Variants in ALG5 observed in about 807,000 individuals in gnomAD.
ALG5 encodes the protein dolichyl-phosphate beta-glucosyltransferase.
Under a neutral mutation model 51.8 loss-of-function variants are expected in ALG5, and 26 were observed. That is an observed-to-expected ratio of 0.50 (90% CI 0.37 to 0.70). The LOEUF is 0.70. Ranked by LOEUF, ALG5 falls within the 30% of genes least tolerant of loss-of-function variation. ALG5 has a pLI of 0.00. For synonymous variants in ALG5, 141 were observed against 136.1 expected (o/e 1.04, Z -0.25); for missense variants, 311 against 399.3 (o/e 0.78, Z 1.88).
intron 4 of ALG5, among the ~76,000 whole-genome samples, chr13:36,992,927 C>T (rs1384718558): frequency 1.3e-5 from 2 of 152,136 alleles, no homozygotes; most frequent in Admixed American, 6.5e-5. Flanking sequence ...CTTGCTTGTC[C>T]TCCCTGGGAG....
intron 4 of ALG5, among the ~76,000 whole-genome samples, chr13:36,992,446 A>C (rs2059029753): frequency 6.6e-6 from 1 of 152,242 alleles, no homozygotes; most frequent in African/African-American, 2.4e-5. Flanking sequence ...ATAAGACTTT[A>C]CTATGTTAGG....
chr13:36,971,401 C>G (rs1479915704), intron 7 of ALG5, among the ~76,000 whole-genome samples: 2 of 152,062 alleles, frequency 1.3e-5, no homozygotes, highest in Non-Finnish European at 2.9e-5. Flanking sequence ...AATCCTAGTA[C>G]TTTGGGAGGC....
chr13:36,956,627 C>T (rs2058840913), intron 8 of ALG5, among the ~76,000 whole-genome samples: 1 of 152,152 alleles, frequency 6.6e-6, no homozygotes, highest in African/African-American at 2.4e-5. Context: ...TATATGTACA[C>T]AATGAAATAT....
chr13:36,965,187 G>C (rs2058887279), intron 8 of ALG5, among the ~76,000 whole-genome samples: 1 of 152,102 alleles, frequency 6.6e-6, no homozygotes, highest in African/African-American at 2.4e-5. Flanking sequence ...GGTGGAAGGA[G>C]ATGTAGAGGT....
chr13:36,967,775 T>G, intron 7 of ALG5: 1 of 1,213,474 alleles, frequency 8.2e-7, no homozygotes, highest in Non-Finnish European at 1.1e-6. Flanking sequence ...TAAATACTGG[T>G]TGACTGATTA....
intron 6 of ALG5, among the ~76,000 whole-genome samples, chr13:36,977,815 C>CAAAAAA (rs1196106688): frequency 1.0e-5 from 1 of 96,726 alleles, no homozygotes; most frequent in African/African-American, 4.4e-5. Flanking sequence ...AAAAAAAAAA[C>CAAAAAA]AAAAACGGTG....
intron 6 of ALG5, among the ~76,000 whole-genome samples, chr13:36,974,674 A>G (rs911550047): frequency 2.6e-5 from 4 of 152,126 alleles, no homozygotes; most frequent in Non-Finnish European, 5.9e-5. Flanking sequence ...CCTAGCTTCA[A>G]TAATTAGCAA....
chr13:36,966,307 G>T (rs1412033470), intron 7 of ALG5, among the ~76,000 whole-genome samples: 5 of 152,108 alleles, frequency 3.3e-5, no homozygotes, highest in African/African-American at 4.8e-5. Flanking sequence ...TAATACTTTG[G>T]ATATTAAGAT....
intron 6 of ALG5, among the ~76,000 whole-genome samples, chr13:36,978,874 C>T (rs2058966080): frequency 1.3e-5 from 2 of 149,400 alleles, no homozygotes; most frequent in Admixed American, 6.7e-5. Flanking sequence ...TGAGATTGTG[C>T]CACTGCACTC....
intron 8 of ALG5, among the ~76,000 whole-genome samples, chr13:36,957,389 T>A (rs1027584963): frequency 6.6e-6 from 1 of 151,852 alleles, no homozygotes; most frequent in Non-Finnish European, 1.5e-5. Context: ...CAAGAGGCAA[T>A]AAAGGCACTA....
chr13:36,970,653 C>T (rs2058918436), intron 7 of ALG5, among the ~76,000 whole-genome samples: 1 of 151,906 alleles, frequency 6.6e-6, no homozygotes, highest in African/African-American at 2.4e-5. Flanking sequence ...TGGCTCATGC[C>T]TGTAATCCCA....
intron 9 of ALG5, 79 bp downstream of exon 9, chr13:36,952,435 G>T: frequency 1.0e-6 from 1 of 994,086 alleles, no homozygotes; most frequent in Non-Finnish European, 1.5e-6. Flanking sequence ...GGAGCAAGGA[G>T]AACATTAAAG....
intron 6 of ALG5, among the ~76,000 whole-genome samples, chr13:36,975,911 C>T (rs188460855): frequency 5.9e-5 from 9 of 151,566 alleles, no homozygotes; most frequent in Admixed American, 5.9e-4. Context: ...GTCCCAGCTA[C>T]TCGGGAGGCC....
rs35130767 is a variant in ALG5, at chr13:36,955,686, GAAAAAA to G, written c.774-3093_774-3088del. Among the ~76,000 whole-genome samples, 108 of 36,500 alleles carry G rather than the reference GAAAAAA, an allele frequency of 3.0e-3. 1 individual carries two copies. Among genetic ancestry groups the G allele is most frequent in the African/African-American group, 6.7e-3 (98 of 14,650 alleles). The allele number at this position is 36,500 out of a possible 152,430, so 23.9% of individuals were successfully genotyped here. On this transcript the variant is annotated intron_variant, in intron 8 of 9. Coordinates refer to ENST00000239891, the MANE Select transcript of ALG5 (RefSeq NM_013338.5). ...AGCAGAGAAAATGAACAGAGATTGT[GAAAAAA>G]AAAAAAAAAAAAAAAAAAAAGATTA...
chr13:36,985,095 GATCCTGAGCGTTTGCCAAATTC>G (rs1437353742), intron 6 of ALG5, among the ~76,000 whole-genome samples: 3 of 151,282 alleles, frequency 2.0e-5, no homozygotes, highest in Non-Finnish European at 2.9e-5. Flanking sequence ...AAACGCTCAG[GATCCTGAGCGTTTGCCAAATTC>G]ATCTTATTTC....
chr13:36,989,586 T>A lies in ALG5; in HGVS notation c.355-10A>T, dbSNP rs1391580500. On this transcript the variant is annotated splice_polypyrimidine_tract_variant and intron_variant, in intron 4 of 9. Transcript: ENST00000239891. The stretch of plus-strand genomic sequence containing the variant: ...AATATTTAAAAGCTACCTATGAAAT[T>A]ATATAAAAATCAGAATAAAATTAAT... 1 of 1,580,042 alleles carries A rather than the reference T, an allele frequency of 6.3e-7. No individual in the cohort carries two copies. Among genetic ancestry groups the A allele is most frequent in the South Asian group, 1.1e-5 (1 of 89,598 alleles).
At chr13:36,982,585 C>T (rs1159006742) in intron 6 of ALG5, among the ~76,000 whole-genome samples, 2 of 152,186 alleles carry the variant, frequency 1.3e-5, no homozygotes, top group African/African-American at 4.8e-5. Flanking sequence ...CTATATGGTC[C>T]TTTACAGAAA....
At chr13:36,950,743 C>T (rs1327596074) in intron 9 of ALG5, among the ~76,000 whole-genome samples, 1 of 152,042 alleles carries the variant, frequency 6.6e-6, no homozygotes, top group Admixed American at 6.6e-5. Flanking sequence ...ACGCACCACA[C>T]CTGCCTAATT....
intron 6 of ALG5, 144 bp from the exon 7 acceptor site, chr13:36,972,180 A>G: frequency 1.4e-6 from 1 of 725,220 alleles, no homozygotes; most frequent in South Asian, 2.3e-5. Flanking sequence ...TGAAAAGTTC[A>G]GAATATGTAC....
Sources: allele counts gnomAD v4.1 joint callset (sites outside exome capture counted in the v4.1 genomes callset), GRCh38; gene constraint gnomAD v4.1.1; transcripts MANE v1.5; gene names NCBI Gene and HGNC (gene_info 2026-07-23, HGNC 2026-07-21).